The following HS6ST3 variants were observed in gnomAD, a reference collection of about 807,000 sequenced individuals.
The protein encoded by HS6ST3 is heparan-sulfate 6-O-sulfotransferase 3.
A neutral mutation model predicts 36.7 loss-of-function variants in HS6ST3; 12 were observed. The ratio of observed to expected loss-of-function variants is 0.33; its 90% CI spans 0.21 to 0.53. HS6ST3 has a LOEUF of 0.53. Ranked by LOEUF, HS6ST3 falls within the 20% of genes least tolerant of loss-of-function variation. HS6ST3 has a pLI of 0.95. For missense variants in HS6ST3, 584 were observed against 640.9 expected, an observed-to-expected ratio of 0.91 and a Z score of 0.96; for synonymous variants, 240 against 257.5, an observed-to-expected ratio of 0.93 and a Z score of 0.65.
chr13:96,113,914 G>T (rs2053881977), intron 1 of HS6ST3, among the ~76,000 whole-genome samples: 1 of 152,024 alleles, frequency 6.6e-6, no homozygotes, highest in Non-Finnish European at 1.5e-5. Context: ...TTAAACTATG[G>T]TACAACAAAT....
intron 1 of HS6ST3, among the ~76,000 whole-genome samples, chr13:96,396,674 T>C (rs1222577871): frequency 6.6e-6 from 1 of 152,064 alleles, no homozygotes; most frequent in African/African-American, 2.4e-5. Flanking sequence ...TCCCCATCAG[T>C]TGCTAAACAC....
chr13:96,242,573 T>C (rs1286690969), intron 1 of HS6ST3, among the ~76,000 whole-genome samples: 1 of 151,874 alleles, frequency 6.6e-6, no homozygotes, highest in Non-Finnish European at 1.5e-5. Flanking sequence ...TGTCCTTCTA[T>C]GACTAGCCTA....
chr13:96,359,505 T>A (rs1566337038), intron 1 of HS6ST3, among the ~76,000 whole-genome samples: 1 of 152,224 alleles, frequency 6.6e-6, no homozygotes, highest in Non-Finnish European at 1.5e-5. Context: ...AGTGTGATTC[T>A]CATATGAGCA....
At chr13:96,675,617 T>C (rs2056696600) in intron 1 of HS6ST3, among the ~76,000 whole-genome samples, 1 of 152,172 alleles carries the variant, frequency 6.6e-6, no homozygotes, top group South Asian at 2.1e-4. Flanking sequence ...TGGAATCTTC[T>C]GCCATTTGGA....
rs200346543 is a variant in HS6ST3 at position 96,518,338 on chromosome 13, C to A, written c.708-314152C>A. 3.2e-4 allele frequency among the ~76,000 whole-genome samples: 48 copies of A among 152,136 alleles called. No homozygotes were observed. The East Asian group carries it at 9.3e-3, about 29-fold the overall frequency. On this transcript the variant is annotated intron_variant, in intron 1 of 1. Transcript: ENST00000376705. ...ATGATTGCAAACTAATTCTTATTCC[C>A]TTTTTTATGGGAAGCAATTGGAATA... is the stretch of plus-strand genomic sequence containing the variant.
Position 96,335,569 on chromosome 13 carries a change from C to G in HS6ST3, c.707+244000C>G, listed in dbSNP as rs541815905. ...TACTGCATACACCAATGTCTTTTAGCTATAGCTGGGGTGAATGTTTCCATG... is the reference window on the plus strand; with the variant it reads ...TACTGCATACACCAATGTCTTTTAGGTATAGCTGGGGTGAATGTTTCCATG... On this transcript the variant is annotated intron_variant, in intron 1 of 1. Coordinates refer to ENST00000376705, the MANE Select transcript of HS6ST3 (RefSeq NM_153456.4). Among the ~76,000 whole-genome samples the G allele has an allele frequency of 9.3e-4, 142 of 152,302 alleles. 1 individual carries two copies. Among genetic ancestry groups the G allele is most frequent in the African/African-American group, 3.2e-3 (135 of 41,572 alleles).
chr13:96,426,167 C>T (rs2055585937), intron 1 of HS6ST3, among the ~76,000 whole-genome samples: 1 of 151,948 alleles, frequency 6.6e-6, no homozygotes, highest in Non-Finnish European at 1.5e-5. Context: ...AAGACCCCTG[C>T]TTCAGGCAGG....
At chr13:96,506,899 T>C (rs1441661498) in intron 1 of HS6ST3, among the ~76,000 whole-genome samples, 1 of 152,090 alleles carries the variant, frequency 6.6e-6, no homozygotes, top group East Asian at 1.9e-4. Flanking sequence ...TTTTGTGTAA[T>C]TGTTAGAGCC....
At chr13:96,254,498 T>C (rs202147230) in intron 1 of HS6ST3, among the ~76,000 whole-genome samples, 1,734 of 20,786 alleles carry the variant, frequency 0.083, 126 homozygotes, top group African/African-American at 0.18. Flanking sequence ...TATATATATA[T>C]ACACATACAT....
intron 1 of HS6ST3, among the ~76,000 whole-genome samples, chr13:96,298,130 A>G (rs1247882088): frequency 1.3e-5 from 2 of 152,344 alleles, no homozygotes; most frequent in Admixed American, 6.5e-5. Context: ...TTGTATTTAG[A>G]TAATTACTGA....
intron 1 of HS6ST3, among the ~76,000 whole-genome samples, chr13:96,428,093 G>T (rs940101488): frequency 9.9e-5 from 15 of 152,252 alleles, no homozygotes; most frequent in Middle Eastern, 3.4e-3. Context: ...TGATAAGGCT[G>T]CCATAGAAAG....
At position 96,363,958 on chromosome 13, in the gene HS6ST3, G is replaced by T. The variant is rs539827197; in HGVS notation, c.707+272389G>T. ...GAAAATAAATGAAAATATAAGAAAA[G>T]AAAAATACACCTTTACAAAATAATC... On this transcript the variant is annotated intron_variant, in intron 1 of 1. Coordinates refer to ENST00000376705, the MANE Select transcript of HS6ST3 (RefSeq NM_153456.4). 1.8e-4 allele frequency among the ~76,000 whole-genome samples: 28 copies of T among 151,986 alleles called. No homozygotes were observed. The South Asian group carries it at 5.8e-3, about 32-fold the overall frequency.
intron 1 of HS6ST3, among the ~76,000 whole-genome samples, chr13:96,756,890 A>C (rs549991975): frequency 6.6e-6 from 1 of 152,346 alleles, no homozygotes; most frequent in East Asian, 1.9e-4. Context: ...CTGCATAAAA[A>C]ATCACTGCAA....
chr13:96,827,349 T>C (rs1878670418), intron 1 of HS6ST3, among the ~76,000 whole-genome samples: 1 of 152,168 alleles, frequency 6.6e-6, no homozygotes, highest in Non-Finnish European at 1.5e-5. Flanking sequence ...AGGTTAACTG[T>C]AACGGAAAAT....
chr13:96,407,320 G>A (rs1429530807), intron 1 of HS6ST3, among the ~76,000 whole-genome samples: 1 of 152,138 alleles, frequency 6.6e-6, no homozygotes, highest in Non-Finnish European at 1.5e-5. Context: ...CGTGGTATTG[G>A]TTAAGACCTT....
chr13:96,131,002 A>C (rs781651996), intron 1 of HS6ST3, among the ~76,000 whole-genome samples: 25 of 152,034 alleles, frequency 1.6e-4, no homozygotes, highest in Non-Finnish European at 2.9e-4. Context: ...GTTCCCTCCC[A>C]CTACCAAGCA....
At chr13:96,623,556 T>TGTCTGA (rs1299695875) in intron 1 of HS6ST3, among the ~76,000 whole-genome samples, 1 of 152,154 alleles carries the variant, frequency 6.6e-6, no homozygotes, top group East Asian at 1.9e-4. Context: ...ACAAGATAAG[T>TGTCTGA]GTCTGAGTAG....
intron 1 of HS6ST3, among the ~76,000 whole-genome samples, chr13:96,526,130 A>G (rs1227257716): frequency 6.6e-6 from 1 of 152,138 alleles, no homozygotes; most frequent in African/African-American, 2.4e-5. Context: ...GGGATTTCTA[A>G]TTTTGGGAAC....
intron 1 of HS6ST3, among the ~76,000 whole-genome samples, chr13:96,183,860 C>T (rs2054251989): frequency 1.3e-5 from 2 of 152,022 alleles, no homozygotes; most frequent in South Asian, 4.1e-4. Flanking sequence ...GTGATGGATA[C>T]ATAACAATGC....
Sources: allele counts gnomAD v4.1 joint callset (sites outside exome capture counted in the v4.1 genomes callset), GRCh38; gene constraint gnomAD v4.1.1; transcripts MANE v1.5; gene names NCBI Gene and HGNC (gene_info 2026-07-23, HGNC 2026-07-21).